GNB3: variants seen among roughly 807,000 people sequenced by gnomAD.
The protein encoded by GNB3 is G protein subunit beta 3, also known as guanine nucleotide-binding protein G(I)/G(S)/G(T) subunit beta-3.
GNB3 carries 33 observed loss-of-function variants against 41.2 expected under a neutral mutation model. The observed-to-expected ratio is 0.80, with a 90% CI of 0.61 to 1.07. The LOEUF (loss-of-function observed/expected upper bound fraction) is 1.07. GNB3 is among the 50% of genes least tolerant of loss of function. The probability of loss-of-function intolerance (pLI) is 0.00; values close to 1 mark genes in which losing one functional copy is unlikely to be tolerated. For synonymous variants in GNB3, 172 were observed against 173.4 expected, an observed-to-expected ratio of 0.99 and a Z score of 0.06; for missense variants, 409 against 455.3, an observed-to-expected ratio of 0.90 and a Z score of 0.92.
In GNB3 at chr12:6,843,643, T is replaced by G. The variant is rs1943619024; in HGVS notation, c.442T>G (p.Cys148Gly). 6.2e-7 allele frequency: 1 copy of G among 1,614,070 alleles called. No homozygotes were observed. Among genetic ancestry groups the G allele is most frequent in the African/African-American group, 1.3e-5 (1 of 74,936 alleles). The change falls in exon 7 of 10, where the codon TGC (cysteine) becomes GGC (glycine). Residue 148 changes from cysteine (C) to glycine (G), a missense_variant. Physicochemically the swap from Cys to Gly is radical, Grantham distance 159 (BLOSUM62 -3). Coordinates refer to ENST00000229264, the MANE Select transcript of GNB3 (RefSeq NM_002075.4). This position sits in a 1 kb window ranked among gnomAD's most constrained non-coding sequence, Gnocchi z 5.9. Reference sequence around the variant, plus strand: ...CTAACCGCCTCCAGGTTATCTCTCCTGCTGCCGCTTCCTGGATGACAACAA... The same window carrying G: ...CTAACCGCCTCCAGGTTATCTCTCCGGCTGCCGCTTCCTGGATGACAACAA... ...ELSAHTGYLS[C>G]CRFLDDNNIV...
rs1943567289 is a variant in GNB3 at position 6,841,220 on chromosome 12, TG to T, written c.-30-32del. ...CACGAAGGGCAGAAGCACAGCCTGG[TG>T]GGGGGTTCCTCAACACCGACCCCAT... On this transcript the variant is annotated intron_variant, in intron 1 of 9. Coordinates refer to ENST00000229264, the MANE Select transcript of GNB3 (RefSeq NM_002075.4). 9.9e-6 allele frequency: 13 copies of T among 1,312,276 alleles called. No homozygotes were observed. In the East Asian group the frequency reaches 2.2e-4, roughly 22 times the overall value. The allele number at this position is 1,312,276 out of a possible 1,614,324, so 81.3% of individuals were successfully genotyped here.
intron 3 of GNB3, 199 bp downstream of exon 3, chr12:6,841,823 C>T (rs563055780): frequency 4.9e-5 from 34 of 698,986 alleles, no homozygotes; most frequent in South Asian, 2.5e-4. Flanking sequence ...GATGCGGACA[C>T]GGTTCCTATT....
chr12:6,841,138 C>A (rs1195621757), intron 1 of GNB3, 105 bp downstream of exon 1: 1 of 675,798 alleles, frequency 1.5e-6, no homozygotes. Flanking sequence ...GAGGGCCTAG[C>A]TGGGGAGAGG....
intron 9 of GNB3, 130 bp downstream of exon 9, chr12:6,845,932 C>T: frequency 4.4e-6 from 3 of 685,354 alleles, no homozygotes; most frequent in Non-Finnish European, 7.8e-6. Flanking sequence ...CTGGGTGACT[C>T]CACCCCTGGA....
At chr12:6,842,168 A>C (rs1943587424) in intron 3 of GNB3, among the ~76,000 whole-genome samples, 1 of 152,210 alleles carries the variant, frequency 6.6e-6, no homozygotes, top group Admixed American at 6.5e-5. Flanking sequence ...TTGAATTTTC[A>C]TGATATCTCT....
intron 3 of GNB3, among the ~76,000 whole-genome samples, chr12:6,842,323 A>AGGATCACTTGAGCTCAGGAGTTT (rs1361665484): frequency 6.6e-6 from 1 of 152,196 alleles, no homozygotes; most frequent in African/African-American, 2.4e-5. Flanking sequence ...CTGACGTGAA[A>AGGATCACTTGAGCTCAGGAGTTT]GGATCACTTG....
intron 3 of GNB3, 73 bp from the exon 4 acceptor site, chr12:6,842,897 A>T (rs1555123666): frequency 1.0e-6 from 1 of 959,554 alleles, no homozygotes; most frequent in African/African-American, 1.6e-5. Flanking sequence ...GAACTTGTAT[A>T]GATCAGTGGC....
chr12:6,845,620 C>T lies in GNB3; in HGVS notation c.734C>T (p.Ser245Leu), dbSNP rs782597916. 29 of 1,612,952 alleles carry T rather than the reference C, an allele frequency of 1.8e-5. No homozygotes were observed. In the East Asian group the frequency reaches 3.8e-4, roughly 21 times the overall value. The change falls in exon 9 of 10, where the codon TCG becomes TTG. Residue 245 changes from serine to leucine, a missense_variant. Physicochemically the swap from Ser to Leu is moderately radical, Grantham distance 145 (BLOSUM62 -2). Coordinates refer to ENST00000229264, the MANE Select transcript of GNB3 (RefSeq NM_002075.4). ...AATGGAGAGGCCATCTGCACGGGCTCGGATGACGCTTCCTGCCGCTTGTTT... is the reference window on the plus strand; with the variant it reads ...AATGGAGAGGCCATCTGCACGGGCTTGGATGACGCTTCCTGCCGCTTGTTT... ...FPNGEAICTG[S>L]DDASCRLFDL...
chr12:6,845,900 C>T (rs1190838122), intron 9 of GNB3, 98 bp downstream of exon 9: 28 of 817,174 alleles, frequency 3.4e-5, no homozygotes, highest in Non-Finnish European at 5.6e-5. Flanking sequence ...ATTTCGGACT[C>T]TCTTACTGCT....
intron 1 of GNB3, 105 bp from the exon 2 acceptor site, chr12:6,841,153 A>G: frequency 1.4e-6 from 1 of 714,514 alleles, no homozygotes; most frequent in Non-Finnish European, 2.4e-6. Flanking sequence ...GAGAGGGTGC[A>G]GCCACCCAGT....
At chr12:6,846,023 A>G (rs1819100159) in intron 9 of GNB3, 1 of 556,944 alleles carries the variant, frequency 1.8e-6, no homozygotes, top group Admixed American at 3.1e-5. Context: ...GCCCAATGCC[A>G]TGACTGCTCC....
chr12:6,844,068 A>G (rs1310564329), intron 8 of GNB3, 90 bp downstream of exon 8: 6 of 630,836 alleles, frequency 9.5e-6, no homozygotes, highest in East Asian at 3.8e-5. Flanking sequence ...CCCCTCCCAT[A>G]GCTTCCCTAG....
chr12:6,842,896 T>TAG lies in GNB3; in HGVS notation c.97-72_97-71dup. Reference sequence around the variant, plus strand: ...GCCTGGCACAGAGCGGGAACTTGTATAGATCAGTGGCAGTGACAGACATCT... The same window carrying TAG: ...GCCTGGCACAGAGCGGGAACTTGTATAGAGATCAGTGGCAGTGACAGACATCT... On this transcript the variant is annotated intron_variant, in intron 3 of 9. Coordinates refer to ENST00000229264, the MANE Select transcript of GNB3 (RefSeq NM_002075.4). The TAG allele has an allele frequency of 5.2e-6, 5 of 956,676 alleles. No individual in the cohort carries two copies. In the South Asian group the frequency reaches 8.3e-5, roughly 16 times the overall value. 59.3% of individuals were successfully genotyped at this position (956,676 alleles called of 1,614,324 possible). A position where few individuals can be genotyped will look rare whatever the true frequency, so the allele number is the denominator to read the frequency against.
At chr12:6,844,001 C>T (rs1555124034) in intron 8 of GNB3, 23 bp downstream of exon 8, 1 of 1,568,162 alleles carries the variant, frequency 6.4e-7, no homozygotes, top group African/African-American at 1.3e-5. Flanking sequence ...CCCACCCCAG[C>T]TTCACTCCAA....
At position 6,843,758 on chromosome 12, in the gene GNB3, T is replaced by C; in HGVS notation, c.498-19T>C. 1.2e-6 allele frequency: 2 copies of C among 1,612,934 alleles called. No homozygotes were observed. Among genetic ancestry groups the C allele is most frequent in the Non-Finnish European group, 1.7e-6 (2 of 1,178,950 alleles). ...AGTGGGCCCGGCCTTTCTCTAACAG[T>C]CTCCCTCCATTTTGGCAGTGCCTTG... On this transcript the variant is annotated intron_variant, in intron 7 of 9. Transcript: ENST00000229264. The surrounding 1 kb of genome is among the most constrained non-coding windows in gnomAD (Gnocchi z 5.9).
In GNB3 at chr12:6,847,298, C is replaced by A. The variant is rs5446; in HGVS notation, c.*400C>A. Reference sequence around the variant, plus strand: ...GGCCCTGTGACTATGGCTCTGGCACCACTAGGGTCCTGGCCCTCTTCTTAT... The same window carrying A: ...GGCCCTGTGACTATGGCTCTGGCACAACTAGGGTCCTGGCCCTCTTCTTAT... On this transcript the variant is annotated 3_prime_UTR_variant, in exon 10 of 10. Coordinates refer to ENST00000229264, the MANE Select transcript of GNB3 (RefSeq NM_002075.4). 4.5e-6 allele frequency: 1 copy of A among 221,190 alleles called. No individual in the cohort carries two copies. The highest frequency in any genetic ancestry group is 9.1e-6 in the Non-Finnish European group (1 of 110,480). The allele number at this position is 221,190 out of a possible 1,614,324, so 13.7% of individuals were successfully genotyped here.
chr12:6,846,829 G>A lies in GNB3; in HGVS notation c.954G>A (p.Leu318=), dbSNP rs1943714800. The change falls in exon 10 of 10, where the codon CTG becomes CTA. Residue 318 remains leucine, a synonymous_variant. Transcript: ENST00000229264. ...LSGHDNRVSC[L]GVTADGMAVA... ...GCCACGATAACAGGGTGAGCTGCCT[G>A]GGAGTCACAGCTGACGGGATGGCTG... 6.2e-7 allele frequency: 1 copy of A among 1,601,660 alleles called. No homozygotes were observed. Among genetic ancestry groups the A allele is most frequent in the Non-Finnish European group, 8.5e-7 (1 of 1,174,006 alleles).
chr12:6,845,417 C>T lies in GNB3; in HGVS notation c.700-169C>T, dbSNP rs782374587. On this transcript the variant is annotated intron_variant, in intron 8 of 9. Coordinates refer to ENST00000229264, the MANE Select transcript of GNB3 (RefSeq NM_002075.4). ...GAGGGGCATAGGGAAGTCACTGGCACGTGGTATGTGTTGGCAGGGCTGCTT... is the reference window on the plus strand; with the variant it reads ...GAGGGGCATAGGGAAGTCACTGGCATGTGGTATGTGTTGGCAGGGCTGCTT... 6 of 609,146 alleles carry T rather than the reference C, an allele frequency of 9.8e-6. No homozygotes were observed. The East Asian group carries it at 1.1e-4, about 11-fold the overall frequency. 37.7% of individuals were successfully genotyped at this position (609,146 alleles called of 1,614,324 possible).
intron 3 of GNB3, among the ~76,000 whole-genome samples, chr12:6,842,271 G>A (rs191110113): frequency 1.0e-3 from 155 of 152,294 alleles, no homozygotes; most frequent in Non-Finnish European, 1.7e-3. Flanking sequence ...AAAGCAGGCC[G>A]GGCGCAGTGG....
Sources: allele counts gnomAD v4.1 joint callset (sites outside exome capture counted in the v4.1 genomes callset), GRCh38; gene constraint gnomAD v4.1.1; non-coding constraint Gnocchi (gnomAD v3.1); transcripts MANE v1.5; gene names NCBI Gene and HGNC (gene_info 2026-07-23, HGNC 2026-07-21).